The following SLC28A3 variants were observed in gnomAD, a reference collection of about 807,000 sequenced individuals.
SLC28A3 encodes concentrative Na(+)-nucleoside cotransporter 3.
In SLC28A3, 68 loss-of-function variants were observed where a neutral mutation model predicts 84.2. The observed-to-expected ratio is 0.81, with a 90% CI of 0.66 to 0.99. The LOEUF (loss-of-function observed/expected upper bound fraction) is 0.99. Ranked by LOEUF, SLC28A3 falls within the 50% of genes least tolerant of loss-of-function variation. The pLI is 0.00. For missense variants in SLC28A3, 712 were observed against 841.5 expected (o/e 0.85, Z 1.90); for synonymous variants, 267 against 303.6 (o/e 0.88, Z 1.25).
At chr9:84,290,519 T>G (rs1285344350) in intron 10 of SLC28A3, among the ~76,000 whole-genome samples, 2 of 152,192 alleles carry the variant, frequency 1.3e-5, no homozygotes, top group Non-Finnish European at 2.9e-5. Flanking sequence ...TTCCGGGTGA[T>G]TCCAATGCAT....
intron 10 of SLC28A3, among the ~76,000 whole-genome samples, chr9:84,291,248 G>C (rs1825208797): frequency 6.6e-6 from 1 of 152,148 alleles, no homozygotes. Context: ...GAGATTTTAT[G>C]ACTGTAATTA....
chr9:84,280,156 T>C, intron 15 of SLC28A3, 83 bp from the exon 16 acceptor site: 3 of 1,305,490 alleles, frequency 2.3e-6, no homozygotes, highest in Non-Finnish European at 3.2e-6. Flanking sequence ...GTTCTGAGGC[T>C]GGGCTCAGGT....
upstream of SLC28A3, chr9:84,340,814 G>T: frequency 1.7e-6 from 1 of 599,020 alleles, no homozygotes; most frequent in Non-Finnish European, 2.9e-6. Context: ...GTTGGGGTGG[G>T]GCAGAGAGGC....
In SLC28A3 at chr9:84,276,526, TACATAA is replaced by T. The variant is rs1824532055; in HGVS notation, c.*1686_*1691del. 1 of 152,080 alleles carries T rather than the reference TACATAA, an allele frequency of 6.6e-6. No individual in the cohort carries two copies. Among genetic ancestry groups the T allele is most frequent in the Non-Finnish European group, 1.5e-5 (1 of 68,010 alleles). The allele number at this position is 152,080 out of a possible 1,614,324, so 9.4% of individuals were successfully genotyped here. The stretch of plus-strand genomic sequence containing the variant: ...GCATGTCCACAGAGGAATGGTATGA[TACATAA>T]ACATAACATTCTGTGGGGTATGATG... On this transcript the variant is annotated 3_prime_UTR_variant, in exon 18 of 18. Coordinates refer to ENST00000376238, the MANE Select transcript of SLC28A3 (RefSeq NM_001199633.2).
At chr9:84,347,551 C>G in the SLC28A3 span, among the ~76,000 whole-genome samples, 1 of 152,096 alleles carries the variant, frequency 6.6e-6, no homozygotes, top group East Asian at 1.9e-4. Flanking sequence ...GAAAACAAAC[C>G]ACAAGCAAAG....
chr9:84,343,397 T>C (rs76475026), upstream of SLC28A3, among the ~76,000 whole-genome samples: 264 of 152,258 alleles, frequency 1.7e-3, 1 homozygote, highest in African/African-American at 5.9e-3. Context: ...ATATCTCACA[T>C]AGCTCAGACT....
At position 84,311,759 on chromosome 9, in the gene SLC28A3, G is replaced by T. The variant is rs1178302140; in HGVS notation, c.156+1600C>A. Among the ~76,000 whole-genome samples, 6 of 152,206 alleles carry T rather than the reference G, an allele frequency of 3.9e-5. No individual in the cohort carries two copies. The East Asian group carries it at 1.2e-3, about 29-fold the overall frequency. On this transcript the variant is annotated intron_variant, in intron 2 of 17. Transcript: ENST00000376238. The stretch of plus-strand genomic sequence containing the variant: ...TAATCCCAACTACACGGGAGGCTGA[G>T]GCAGGAGAATCACCTGAACCCGGGA...
At chr9:84,285,314 A>T in intron 14 of SLC28A3, 31 bp downstream of exon 14, 1 of 1,602,100 alleles carries the variant, frequency 6.2e-7, no homozygotes, top group South Asian at 1.1e-5. Context: ...GTGATGAAGA[A>T]ATGTACTGAG....
In SLC28A3 at chr9:84,285,501, C is replaced by T. The variant is rs780727412; in HGVS notation, c.1491G>A (p.Met497Ile). 6 of 1,614,154 alleles carry T rather than the reference C, an allele frequency of 3.7e-6. No homozygotes were observed. The Admixed American group carries it at 6.7e-5, about 18-fold the overall frequency. ...TAAAGCTGTCCTGCCATTCCACTCC[C>T]ATCATGAAGGAAAAGGGCATGAAGA... The part of the protein sequence containing the change: ...SYIFMPFSFM[M>I]GVEWQDSFMV... The change falls in exon 14 of 18, where the codon ATG (methionine) becomes ATA (isoleucine). Residue 497 changes from methionine to isoleucine, a missense_variant. By Grantham distance (10) the Met-to-Ile change is conservative. Transcript: ENST00000376238.
At chr9:84,308,424 T>C (rs1305482537) in intron 3 of SLC28A3, among the ~76,000 whole-genome samples, 5 of 151,904 alleles carry the variant, frequency 3.3e-5, no homozygotes, top group Non-Finnish European at 5.9e-5. Context: ...TGCATGCCTG[T>C]AATCCCAGCT....
the SLC28A3 span, among the ~76,000 whole-genome samples, chr9:84,360,536 A>G: frequency 6.6e-6 from 1 of 152,018 alleles, no homozygotes; most frequent in Non-Finnish European, 1.5e-5. Context: ...AGGAAGTTAG[A>G]TATGTAGAGT....
intron 1 of SLC28A3, among the ~76,000 whole-genome samples, chr9:84,322,620 G>A (rs1167457292): frequency 6.6e-6 from 1 of 152,110 alleles, no homozygotes; most frequent in Non-Finnish European, 1.5e-5. Context: ...TGAGGTGGGA[G>A]GATCATTTGA....
chr9:84,311,728 T>C (rs10746738), intron 2 of SLC28A3, among the ~76,000 whole-genome samples: 37,845 of 150,730 alleles, frequency 0.25, 5,167 homozygotes, highest in East Asian at 0.53. Context: ...CAGTGACGGG[T>C]GCCGGTAATC....
chr9:84,346,826 G>T, the SLC28A3 span, among the ~76,000 whole-genome samples: 15 of 152,092 alleles, frequency 9.9e-5, no homozygotes, highest in African/African-American at 3.4e-4. Flanking sequence ...TGCCACATAG[G>T]TAATACCTGT....
chr9:84,355,934 C>A, the SLC28A3 span, among the ~76,000 whole-genome samples: 2 of 152,076 alleles, frequency 1.3e-5, no homozygotes, highest in Admixed American at 1.3e-4. Flanking sequence ...TCCACCTCAG[C>A]CTCCCAAGTA....
chr9:84,279,979 G>T lies in SLC28A3; in HGVS notation c.1824C>A (p.Ile608=), dbSNP rs146332452. Residue 608 remains isoleucine, a synonymous_variant, in exon 16 of 18, where the codon ATC becomes ATA. Transcript: ENST00000376238. ...GTVACFMTAC[I]AGILSSTPVD... ...ACAAAGGACAGGGTGCGGTACCTGC[G>T]ATGCAGGCTGTCATGAAGCAGGCCA... The T allele has an allele frequency of 1.2e-6, 2 of 1,613,772 alleles. No homozygotes were observed. The highest frequency in any genetic ancestry group is 1.7e-5 in the Admixed American group (1 of 60,018).
chr9:84,305,115 C>T (rs776198786), intron 4 of SLC28A3, 139 bp downstream of exon 4: 5 of 724,800 alleles, frequency 6.9e-6, no homozygotes, highest in Non-Finnish European at 1.1e-5. Context: ...ATTTACTTCT[C>T]TACCACCCCC....
chr9:84,294,335 T>C, intron 8 of SLC28A3, 60 bp from the exon 9 acceptor site: 1 of 1,506,402 alleles, frequency 6.6e-7, no homozygotes, highest in African/African-American at 1.4e-5. Flanking sequence ...GCAGGTTTTA[T>C]ATCAGGCCTC....
At chr9:84,363,312 G>A in the SLC28A3 span, among the ~76,000 whole-genome samples, 3 of 152,144 alleles carry the variant, frequency 2.0e-5, no homozygotes, top group Non-Finnish European at 4.4e-5. Context: ...AACCAAGAGG[G>A]GAGAAATCAA....
Sources: gnomAD v4.1 joint callset for allele counts (sites outside exome capture counted in the v4.1 genomes callset) on GRCh38, gnomAD v4.1.1 for gene constraint, MANE v1.5 for transcripts, NCBI Gene and HGNC (gene_info 2026-07-23, HGNC 2026-07-21) for gene names.